NBEA: variants seen among roughly 807,000 people sequenced by gnomAD.
The protein encoded by NBEA is lysosomal-trafficking regulator 2.
Under a neutral mutation model 343.4 loss-of-function variants are expected in NBEA, and 44 were observed. The observed-to-expected ratio is 0.13, with a 90% CI of 0.10 to 0.16. The LOEUF (loss-of-function observed/expected upper bound fraction) is 0.16. Among genes scored for constraint, NBEA ranks in the 10% least tolerant of loss-of-function variants. The probability of loss-of-function intolerance (pLI) is 1.00; values close to 1 mark genes in which losing one functional copy is unlikely to be tolerated. For synonymous variants in NBEA, 1,175 were observed against 1,238.7 expected (o/e 0.95, Z 1.08); for missense variants, 2,555 against 3,631.3 (o/e 0.70, Z 7.62).
intron 56 of NBEA, among the ~76,000 whole-genome samples, chr13:35,665,526 A>G (rs2085310697): frequency 6.6e-6 from 1 of 152,154 alleles, no homozygotes. Flanking sequence ...CTCATCAGAC[A>G]CGGCCTAGGA....
chr13:35,583,840 A>C (rs2081168028), intron 45 of NBEA, 58 bp from the exon 46 acceptor site: 9 of 1,257,866 alleles, frequency 7.2e-6, no homozygotes, highest in Non-Finnish European at 1.0e-5. Flanking sequence ...ATAAAGATTT[A>C]TTATCTAGGA....
intron 28 of NBEA, among the ~76,000 whole-genome samples, chr13:35,177,420 A>G (rs2070984035): frequency 1.3e-5 from 2 of 151,868 alleles, no homozygotes; most frequent in Admixed American, 1.3e-4. Context: ...CTCCATTTGC[A>G]GGTACTAAAA....
At chr13:35,599,441 T>C (rs1028127288) in intron 47 of NBEA, among the ~76,000 whole-genome samples, 2 of 152,200 alleles carry the variant, frequency 1.3e-5, no homozygotes, top group Admixed American at 6.5e-5. Context: ...GGCGGCAGAA[T>C]CTACAGTGGC....
intron 41 of NBEA, 62 bp downstream of exon 41, chr13:35,472,598 T>G: frequency 6.2e-7 from 1 of 1,601,530 alleles, no homozygotes; most frequent in Non-Finnish European, 8.5e-7. Context: ...GGTTTTCAAT[T>G]TTGTTTGGTT....
intron 47 of NBEA, among the ~76,000 whole-genome samples, chr13:35,594,481 C>T (rs2081674253): frequency 6.6e-6 from 1 of 152,072 alleles, no homozygotes; most frequent in African/African-American, 2.4e-5. Context: ...GTGTGTTTTA[C>T]TTGTTGTTGT....
intron 10 of NBEA, among the ~76,000 whole-genome samples, chr13:35,072,448 A>G (rs1363921405): frequency 6.6e-6 from 1 of 152,092 alleles, no homozygotes; most frequent in Non-Finnish European, 1.5e-5. Flanking sequence ...AGGAGTCAGC[A>G]TACCTATTTT....
chr13:35,339,534 A>G (rs971438799), intron 36 of NBEA, among the ~76,000 whole-genome samples: 2 of 152,132 alleles, frequency 1.3e-5, no homozygotes, highest in African/African-American at 2.4e-5. Context: ...GCACTGTAGT[A>G]GTCTATTCTT....
chr13:35,458,870 G>A (rs1271238711), intron 40 of NBEA, among the ~76,000 whole-genome samples: 1 of 152,082 alleles, frequency 6.6e-6, no homozygotes, highest in African/African-American at 2.4e-5. Context: ...CCAATGGATT[G>A]TAATGCTACT....
intron 36 of NBEA, among the ~76,000 whole-genome samples, chr13:35,317,476 G>A (rs761322422): frequency 1.3e-5 from 2 of 152,054 alleles, no homozygotes; most frequent in Non-Finnish European, 2.9e-5. Flanking sequence ...ATCTGTTTTG[G>A]TACCAGTACC....
At chr13:35,506,401 C>T (rs1346121226) in intron 41 of NBEA, among the ~76,000 whole-genome samples, 3 of 152,108 alleles carry the variant, frequency 2.0e-5, no homozygotes, top group Non-Finnish European at 4.4e-5. Context: ...TGATTTGTTA[C>T]TATTTACGGC....
chr13:35,500,455 A>ACAGCTAG (rs2076841149), intron 41 of NBEA, among the ~76,000 whole-genome samples: 2 of 152,084 alleles, frequency 1.3e-5, no homozygotes, highest in Admixed American at 6.6e-5. Flanking sequence ...CAGGCTAGCA[A>ACAGCTAG]CAACATTTCC....
At chr13:35,109,481 T>C in intron 12 of NBEA, 39 bp downstream of exon 12, 2 of 1,506,190 alleles carry the variant, frequency 1.3e-6, no homozygotes, top group East Asian at 2.3e-5. Context: ...TTTAGTGTAA[T>C]GTTATACATT....
intron 38 of NBEA, among the ~76,000 whole-genome samples, chr13:35,381,174 G>A (rs970361389): frequency 6.6e-6 from 1 of 151,984 alleles, no homozygotes; most frequent in African/African-American, 2.4e-5. Context: ...CCTACCCTCT[G>A]GCAATGTTTT....
intron 1 of NBEA, among the ~76,000 whole-genome samples, chr13:35,024,459 G>C (rs2061950120): frequency 6.6e-6 from 1 of 151,946 alleles, no homozygotes. Flanking sequence ...ATCACCCGAA[G>C]TCAAGAGTTC....
At chr13:34,967,580 A>G (rs1566101209) in intron 1 of NBEA, among the ~76,000 whole-genome samples, 1 of 152,064 alleles carries the variant, frequency 6.6e-6, no homozygotes. Flanking sequence ...ATGTAAATAC[A>G]TAAATCGGTA....
chr13:35,292,299 G>A (rs910135556), intron 35 of NBEA, among the ~76,000 whole-genome samples: 2 of 151,864 alleles, frequency 1.3e-5, no homozygotes, highest in African/African-American at 2.4e-5. Context: ...TTAAAATAAT[G>A]TGCCATTTTT....
intron 10 of NBEA, among the ~76,000 whole-genome samples, chr13:35,093,372 A>T (rs1292165343): frequency 1.3e-5 from 2 of 151,818 alleles, no homozygotes. Flanking sequence ...AAAATTAACT[A>T]TTAAAAGAAT....
At chr13:35,043,667 A>T (rs1257724583) in intron 2 of NBEA, among the ~76,000 whole-genome samples, 1 of 151,828 alleles carries the variant, frequency 6.6e-6, no homozygotes, top group Admixed American at 6.6e-5. Context: ...CAATTTTGTC[A>T]TAGAGATTAT....
intron 48 of NBEA, among the ~76,000 whole-genome samples, chr13:35,624,891 A>G (rs1028789268): frequency 6.6e-6 from 1 of 152,120 alleles, no homozygotes; most frequent in African/African-American, 2.4e-5. Flanking sequence ...AGATTATGAT[A>G]TTATCTGTAA....
Sources: gnomAD v4.1 joint callset for allele counts (sites outside exome capture counted in the v4.1 genomes callset) on GRCh38, gnomAD v4.1.1 for gene constraint, MANE v1.5 for transcripts, NCBI Gene and HGNC (gene_info 2026-07-23, HGNC 2026-07-21) for gene names.